HNRNPR: variants seen among roughly 807,000 people sequenced by gnomAD.
HNRNPR encodes heterogeneous nuclear ribonucleoprotein R.
A neutral mutation model predicts 70.3 loss-of-function variants in HNRNPR; 4 were observed. The observed-to-expected ratio is 0.06, with a 90% CI of 0.03 to 0.13. The LOEUF (loss-of-function observed/expected upper bound fraction) is 0.13. Ranked by LOEUF, HNRNPR falls within the 10% of genes least tolerant of loss-of-function variation. HNRNPR has a pLI of 1.00. For synonymous variants in HNRNPR, 241 were observed against 267.6 expected, an observed-to-expected ratio of 0.90 and a Z score of 0.97; for missense variants, 423 against 788.5, an observed-to-expected ratio of 0.54 and a Z score of 5.55.
chr1:23,330,914 C>G (rs968604139), intron 5 of HNRNPR, among the ~76,000 whole-genome samples: 1 of 152,160 alleles, frequency 6.6e-6, no homozygotes, highest in African/African-American at 2.4e-5. Context: ...CTCACAACAT[C>G]AAAAATCACA....
intron 5 of HNRNPR, among the ~76,000 whole-genome samples, chr1:23,331,509 C>T (rs796472602): frequency 5.9e-5 from 9 of 151,888 alleles, no homozygotes; most frequent in East Asian, 5.8e-4. Context: ...TGGAGAAACC[C>T]CTCCTCTACT....
At chr1:23,332,481 T>A (rs1207178083) in intron 5 of HNRNPR, among the ~76,000 whole-genome samples, 2 of 150,520 alleles carry the variant, frequency 1.3e-5, no homozygotes, top group African/African-American at 2.4e-5. Flanking sequence ...GGCAGGTGGA[T>A]CACCTGAGGT....
At chr1:23,334,643 A>T (rs1228487096) in intron 4 of HNRNPR, among the ~76,000 whole-genome samples, 4 of 152,240 alleles carry the variant, frequency 2.6e-5, no homozygotes, top group African/African-American at 9.6e-5. Flanking sequence ...TCAGACAAGA[A>T]TCATACAGTA....
At chr1:23,315,634 T>C (rs778928165) in intron 8 of HNRNPR, among the ~76,000 whole-genome samples, 13 of 152,170 alleles carry the variant, frequency 8.5e-5, no homozygotes, top group African/African-American at 2.7e-4. Context: ...GGGGATTTGG[T>C]AGACACAGGG....
intron 5 of HNRNPR, among the ~76,000 whole-genome samples, chr1:23,330,810 T>A (rs1223550569): frequency 6.6e-6 from 1 of 152,188 alleles, no homozygotes; most frequent in Non-Finnish European, 1.5e-5. Flanking sequence ...TACTGCACAG[T>A]CTCAGGCACT....
chr1:23,308,069 GAAGAA>G lies in HNRNPR; in HGVS notation c.*2380_*2384del, dbSNP rs1645230748. ...CAGTGTTAATTTACAAGACATGAAA[GAAGAA>G]AAGCTCTTGAGTTTTAATGTTTATA... is the stretch of plus-strand genomic sequence containing the variant. On this transcript the variant is annotated 3_prime_UTR_variant, in exon 11 of 11. Transcript: ENST00000302271. The G allele has an allele frequency of 2.0e-5, 3 of 152,016 alleles. No individual in the cohort carries two copies. Among genetic ancestry groups the G allele is most frequent in the Admixed American group, 1.3e-4 (2 of 15,266 alleles). 9.4% of individuals were successfully genotyped at this position (152,016 alleles called of 1,614,324 possible). A position where few individuals can be genotyped will look rare whatever the true frequency, so the allele number is the denominator to read the frequency against.
At chr1:23,333,713 G>T in intron 4 of HNRNPR, 82 bp from the exon 5 acceptor site, 1 of 749,724 alleles carries the variant, frequency 1.3e-6, no homozygotes, top group South Asian at 1.9e-5. Flanking sequence ...TTCCAAAAAG[G>T]ACTCCAACTT....
Position 23,310,645 on chromosome 1 carries a change from C to G in HNRNPR, c.1711G>C (p.Gly571Arg), listed in dbSNP as rs1371987035. The change falls in exon 11 of 11, where the codon GGC becomes CGC. Residue 571 changes from glycine (G) to arginine (R), a missense_variant. Physicochemically the swap from Gly to Arg is moderately radical, Grantham distance 125. Transcript: ENST00000302271. This position sits in a 1 kb window ranked among gnomAD's most constrained non-coding sequence, Gnocchi z 6.0. ...SRGNRGGNVG[G>R]KRKADGYNQP... ...TTGTACCCATCTGCCTTTCTCTTGC[C>G]TCCTACATTGCCCCCACGATTGCCC... The G allele has an allele frequency of 1.2e-6, 2 of 1,613,906 alleles. No individual in the cohort carries two copies. The highest frequency in any genetic ancestry group is 1.7e-6 in the Non-Finnish European group (2 of 1,179,884).
At chr1:23,335,246 C>A (rs1329473634) in intron 4 of HNRNPR, among the ~76,000 whole-genome samples, 1 of 152,316 alleles carries the variant, frequency 6.6e-6, no homozygotes, top group African/African-American at 2.4e-5. Context: ...AATGTCAGAA[C>A]AATAAGAGAC....
intron 4 of HNRNPR, among the ~76,000 whole-genome samples, chr1:23,336,645 GAGGCTGAGGC>G (rs1646501317): frequency 6.7e-6 from 1 of 149,128 alleles, no homozygotes; most frequent in African/African-American, 2.5e-5. Flanking sequence ...AGCTACTCAG[GAGGCTGAGGC>G]AGGAGAATCG....
chr1:23,312,922 G>C (rs899482075), intron 9 of HNRNPR, among the ~76,000 whole-genome samples: 2 of 152,104 alleles, frequency 1.3e-5, no homozygotes, highest in Non-Finnish European at 2.9e-5. Flanking sequence ...ACCCATTAAA[G>C]ATAGTCCTAA....
intron 4 of HNRNPR, among the ~76,000 whole-genome samples, chr1:23,335,575 A>G (rs1646438622): frequency 6.6e-6 from 1 of 152,178 alleles, no homozygotes; most frequent in Non-Finnish European, 1.5e-5. Context: ...AGGTTCTCAC[A>G]GGAGGGTGAA....
At chr1:23,332,610 G>A (rs1474340773) in intron 5 of HNRNPR, among the ~76,000 whole-genome samples, 1 of 146,744 alleles carries the variant, frequency 6.8e-6, no homozygotes, top group African/African-American at 2.5e-5. Flanking sequence ...TGAGGCAGGA[G>A]AATCGCTTGA....
chr1:23,332,211 T>G lies in HNRNPR; in HGVS notation c.498+1307A>C, dbSNP rs59734840. Among the ~76,000 whole-genome samples the G allele has an allele frequency of 2.8e-3, 431 of 152,248 alleles. 3 individuals are homozygous for G. Among genetic ancestry groups the G allele is most frequent in the African/African-American group, 9.9e-3 (410 of 41,554 alleles). On this transcript the variant is annotated intron_variant, in intron 5 of 10. Transcript: ENST00000302271. ...GCAATAAGGCAAATGGAAAAAGCTT[T>G]AAGAAGACAGATGGGGAAAGAATTG...
intron 3 of HNRNPR, chr1:23,338,160 T>C (rs1207575733): frequency 3.1e-6 from 1 of 324,674 alleles, no homozygotes; most frequent in African/African-American, 2.1e-5. Context: ...CCACCTACAT[T>C]TTCCTCCAAG....
At chr1:23,312,942 G>A (rs1194134827) in intron 9 of HNRNPR, among the ~76,000 whole-genome samples, 7 of 152,070 alleles carry the variant, frequency 4.6e-5, no homozygotes, top group Non-Finnish European at 8.8e-5. Context: ...AACCATTGTC[G>A]ATAGAAAGCA....
chr1:23,312,514 G>A (rs1356758410), intron 9 of HNRNPR, among the ~76,000 whole-genome samples: 2 of 152,100 alleles, frequency 1.3e-5, no homozygotes, highest in East Asian at 1.9e-4. Flanking sequence ...ACAAATGAAC[G>A]GATAAGAGTA....
chr1:23,305,720 A>G lies in HNRNPR; in HGVS notation c.*4734T>C, dbSNP rs1645193428. On this transcript the variant is annotated 3_prime_UTR_variant, in exon 11 of 11. Coordinates refer to ENST00000302271, the MANE Select transcript of HNRNPR (RefSeq NM_005826.5). ...GCAATAATTTAAATATTGACTCTTA[A>G]TTCTACCAATATCTGCTAATCCTAT... The G allele has an allele frequency of 6.6e-6, 1 of 151,998 alleles. No individual in the cohort carries two copies. The highest frequency in any genetic ancestry group is 2.4e-5 in the African/African-American group (1 of 41,402). 9.4% of individuals were successfully genotyped at this position (151,998 alleles called of 1,614,324 possible). A position where few individuals can be genotyped will look rare whatever the true frequency, so the allele number is the denominator to read the frequency against.
intron 8 of HNRNPR, among the ~76,000 whole-genome samples, chr1:23,316,883 G>A (rs76660554): frequency 6.6e-6 from 1 of 152,120 alleles, no homozygotes; most frequent in Non-Finnish European, 1.5e-5. Context: ...AAAAGATACT[G>A]AGTAGCACTT....
Sources: allele counts gnomAD v4.1 joint callset (sites outside exome capture counted in the v4.1 genomes callset), GRCh38; gene constraint gnomAD v4.1.1; non-coding constraint Gnocchi (gnomAD v3.1); transcripts MANE v1.5; gene names NCBI Gene and HGNC (gene_info 2026-07-23, HGNC 2026-07-21).